Variants in ZNF423 observed in about 807,000 individuals in gnomAD.
The protein encoded by ZNF423 is Ebf-associated zinc finger protein.
ZNF423 carries 12 observed loss-of-function variants against 95.8 expected under a neutral mutation model. That is an observed-to-expected ratio of 0.13 (90% CI 0.08 to 0.20). The LOEUF (loss-of-function observed/expected upper bound fraction) is 0.20. ZNF423 is among the 10% of genes least tolerant of loss of function. The pLI is 1.00. For synonymous variants in ZNF423, 749 were observed against 711.9 expected (o/e 1.05, Z -0.83); for missense variants, 1,316 against 1,737.1 (o/e 0.76, Z 4.31).
At chr16:49,503,086 C>A (rs375320418) in intron 7 of ZNF423, among the ~76,000 whole-genome samples, 1 of 152,042 alleles carries the variant, frequency 6.6e-6, no homozygotes, top group African/African-American at 2.4e-5. Flanking sequence ...CACACACACA[C>A]CCCAGTCCTG....
chr16:49,664,913 C>T (rs1390193767), intron 3 of ZNF423, among the ~76,000 whole-genome samples: 2 of 152,248 alleles, frequency 1.3e-5, no homozygotes, highest in Non-Finnish European at 2.9e-5. Flanking sequence ...GTGCTCTGAA[C>T]GCCCCTCATT....
At chr16:49,496,603 C>T (rs1967176167) in intron 7 of ZNF423, among the ~76,000 whole-genome samples, 1 of 152,162 alleles carries the variant, frequency 6.6e-6, no homozygotes, top group Admixed American at 6.5e-5. Context: ...AAACTGTTTT[C>T]TTCATAAATT....
In ZNF423 at chr16:49,603,624, G is replaced by A. The variant is rs1282469703; in HGVS notation, c.3601+22546C>T. Among the ~76,000 whole-genome samples the A allele has an allele frequency of 6.6e-6, 1 of 152,160 alleles. No individual in the cohort carries two copies. The highest frequency in any genetic ancestry group is 2.1e-4 in the South Asian group (1 of 4,820). On this transcript the variant is annotated intron_variant, in intron 5 of 7. Transcript: ENST00000563137. This position sits in a 1 kb window ranked among gnomAD's most constrained non-coding sequence, Gnocchi z 4.1. The stretch of plus-strand genomic sequence containing the variant: ...GCGGTTTCACCATGTTGGCCAGGCT[G>A]GTCTCGAACTCCTGATCTCAGGTGA...
intron 3 of ZNF423, among the ~76,000 whole-genome samples, chr16:49,645,529 G>A (rs1418287463): frequency 6.6e-6 from 1 of 152,192 alleles, no homozygotes; most frequent in African/African-American, 2.4e-5. Flanking sequence ...GGAGTCTCCT[G>A]ACTCCCAATG....
At chr16:49,646,574 C>CTTTTTCTTTTTCTTTTTTTTTTTTTTTTT (rs1973179013) in intron 3 of ZNF423, among the ~76,000 whole-genome samples, 1 of 118,010 alleles carries the variant, frequency 8.5e-6, no homozygotes, top group African/African-American at 3.0e-5. Flanking sequence ...TTTTCTTTTT[C>CTTTTTCTTTTTCTTTTTTTTTTTTTTTTT]TTTTTTTTTT....
chr16:49,531,463 G>C (rs1345495541), intron 5 of ZNF423, among the ~76,000 whole-genome samples: 3 of 151,912 alleles, frequency 2.0e-5, no homozygotes, highest in African/African-American at 7.3e-5. Context: ...GGACCCCTCC[G>C]ACACCATCCC....
intron 3 of ZNF423, among the ~76,000 whole-genome samples, chr16:49,695,666 A>G (rs2031942237): frequency 6.6e-6 from 1 of 152,218 alleles, no homozygotes; most frequent in South Asian, 2.1e-4. Flanking sequence ...ACCTCAGGTG[A>G]TCCACCCACC....
rs538859631 is a variant in ZNF423 at position 49,787,285 on chromosome 16, T to TA, written c.100+2201dup. ...TTTACACATGCACAGCACAAACTAT[T>TA]AAAAAAAAGAAAAAAAAAGAAAAAA... is the stretch of plus-strand genomic sequence containing the variant. On this transcript the variant is annotated intron_variant, in intron 2 of 7. Transcript: ENST00000563137. Among the ~76,000 whole-genome samples the TA allele has an allele frequency of 2.4e-4, 36 of 147,560 alleles. No homozygotes were observed. In the South Asian group the frequency reaches 4.3e-3, roughly 18 times the overall value.
At chr16:49,545,808 A>T (rs1002836288) in intron 5 of ZNF423, among the ~76,000 whole-genome samples, 16 of 152,182 alleles carry the variant, frequency 1.1e-4, no homozygotes, top group African/African-American at 3.6e-4. Context: ...GGAGGCATTC[A>T]AGTGCTAACT....
chr16:49,684,060 G>A (rs190872582), intron 3 of ZNF423, among the ~76,000 whole-genome samples: 1 of 152,284 alleles, frequency 6.6e-6, no homozygotes, highest in East Asian at 1.9e-4. Context: ...AGCAGAGCAA[G>A]ATCTGGTCTC....
intron 5 of ZNF423, among the ~76,000 whole-genome samples, chr16:49,549,122 G>A (rs188699218): frequency 1.3e-5 from 2 of 152,314 alleles, no homozygotes; most frequent in East Asian, 3.9e-4. Context: ...TGAATGAAAT[G>A]GAAATGCTCA....
At chr16:49,831,767 G>T (rs2035063449) in intron 1 of ZNF423, among the ~76,000 whole-genome samples, 1 of 152,090 alleles carries the variant, frequency 6.6e-6, no homozygotes. Context: ...AGGGTGGGCA[G>T]ATCATCTGAA....
At chr16:49,553,595 C>T (rs963532013) in intron 5 of ZNF423, among the ~76,000 whole-genome samples, 2 of 151,920 alleles carry the variant, frequency 1.3e-5, no homozygotes. Context: ...AATCCTCTTA[C>T]CTTAGCCTCT....
At chr16:49,615,525 G>A (rs564109682) in intron 5 of ZNF423, among the ~76,000 whole-genome samples, 2 of 152,278 alleles carry the variant, frequency 1.3e-5, no homozygotes, top group East Asian at 1.9e-4. Context: ...GGATGCCAGA[G>A]GACCAGAAAG....
intron 5 of ZNF423, among the ~76,000 whole-genome samples, chr16:49,559,765 T>A (rs1448288571): frequency 6.6e-6 from 1 of 152,144 alleles, no homozygotes; most frequent in Non-Finnish European, 1.5e-5. Flanking sequence ...GATGCTAGAA[T>A]TTCATGGGTA....
At chr16:49,525,014 G>T (rs1417332132) in intron 6 of ZNF423, among the ~76,000 whole-genome samples, 4 of 152,214 alleles carry the variant, frequency 2.6e-5, no homozygotes, top group African/African-American at 9.6e-5. Context: ...AGAGCTCAAG[G>T]CTCGGGGAGA....
intron 1 of ZNF423, among the ~76,000 whole-genome samples, chr16:49,802,635 G>A (rs1219088662): frequency 3.3e-5 from 5 of 152,186 alleles, no homozygotes; most frequent in Admixed American, 3.3e-4. Context: ...ACGCTGCAGA[G>A]ACCCCAGCTC....
chr16:49,644,664 A>G (rs914292427), intron 3 of ZNF423, among the ~76,000 whole-genome samples: 11 of 78,770 alleles, frequency 1.4e-4, no homozygotes, highest in Admixed American at 9.5e-4. Context: ...GACTCAAAAA[A>G]AAAAAAAAAA....
intron 5 of ZNF423, among the ~76,000 whole-genome samples, chr16:49,547,761 T>C (rs1290757797): frequency 6.6e-6 from 1 of 152,224 alleles, no homozygotes; most frequent in Non-Finnish European, 1.5e-5. Flanking sequence ...AAGTCGCTCT[T>C]GACGATAATG....
Sources: gnomAD v4.1 joint callset for allele counts (sites outside exome capture counted in the v4.1 genomes callset) on GRCh38, gnomAD v4.1.1 for gene constraint, Gnocchi (gnomAD v3.1) non-coding constraint, MANE v1.5 for transcripts, NCBI Gene and HGNC (gene_info 2026-07-23, HGNC 2026-07-21) for gene names.